TBCK: variants seen among roughly 807,000 people sequenced by gnomAD.
The protein encoded by TBCK is TBC1 domain containing kinase.
In TBCK, 99 loss-of-function variants were observed where a neutral mutation model predicts 113.4. The observed-to-expected ratio is 0.87, with a 90% CI of 0.74 to 1.03. TBCK has a LOEUF of 1.03. TBCK is among the 50% of genes least tolerant of loss of function. The pLI is 0.00. For synonymous variants in TBCK, 369 were observed against 370.8 expected (o/e 1.00, Z 0.05); for missense variants, 1,045 against 1,061.3 (o/e 0.98, Z 0.21).
chr4:106,308,893 ACAT>A lies in TBCK; in HGVS notation c.65_67del (p.Asp22del), dbSNP rs1767845544. On this transcript the variant is annotated inframe_deletion, in exon 2 of 26. Coordinates refer to ENST00000394708, the MANE Select transcript of TBCK (RefSeq NM_001163435.3). Reference sequence around the variant, plus strand: ...GAGAGGAAGTCCATTGCTTCCACAAACATCATGTGGCAGAGCCGAGGCAAAGAA... The same window carrying A: ...GAGAGGAAGTCCATTGCTTCCACAAACATGTGGCAGAGCCGAGGCAAAGAA... The A allele has an allele frequency of 3.7e-6, 6 of 1,614,160 alleles. No individual in the cohort carries two copies. Among genetic ancestry groups the A allele is most frequent in the Non-Finnish European group, 5.1e-6 (6 of 1,180,018 alleles).
intron 19 of TBCK, among the ~76,000 whole-genome samples, chr4:106,226,492 T>G (rs1425997936): frequency 1.3e-5 from 2 of 152,212 alleles, no homozygotes; most frequent in Non-Finnish European, 2.9e-5. Context: ...ATTTTCATCT[T>G]TCTAAAGTAT....
chr4:106,236,852 C>T, intron 12 of TBCK, 44 bp from the exon 13 acceptor site: 2 of 1,135,198 alleles, frequency 1.8e-6, no homozygotes, highest in East Asian at 2.7e-5. Context: ...ACATATTGGG[C>T]AGAAACCCTG....
Position 106,305,772 on chromosome 4 carries a change from C to T in TBCK, c.193+2996G>A, listed in dbSNP as rs140016329. 3.9e-3 allele frequency among the ~76,000 whole-genome samples: 596 copies of T among 152,234 alleles called. 2 individuals carry two copies. Among genetic ancestry groups the T allele is most frequent in the African/African-American group, 0.014 (570 of 41,536 alleles). On this transcript the variant is annotated intron_variant, in intron 2 of 25. Transcript: ENST00000394708. Reference sequence around the variant, plus strand: ...GATAAAACAGGATGCAGTGAAGAAGCTAGCTAAAACCCATCAAAACCAAAA... The same window carrying T: ...GATAAAACAGGATGCAGTGAAGAAGTTAGCTAAAACCCATCAAAACCAAAA...
chr4:106,129,686 C>T (rs924010501), intron 23 of TBCK, among the ~76,000 whole-genome samples: 1 of 152,018 alleles, frequency 6.6e-6, no homozygotes, highest in African/African-American at 2.4e-5. Context: ...AAATGTTTTA[C>T]GTCATTAATA....
intron 22 of TBCK, among the ~76,000 whole-genome samples, chr4:106,176,812 T>C (rs1454091213): frequency 1.3e-5 from 2 of 151,998 alleles, no homozygotes; most frequent in African/African-American, 4.8e-5. Context: ...TGTACTAACA[T>C]CCCACTTTCT....
At chr4:106,197,386 AGTGTGTGTGT>A (rs70941239) in intron 20 of TBCK, among the ~76,000 whole-genome samples, 3 of 119,036 alleles carry the variant, frequency 2.5e-5, no homozygotes, top group East Asian at 2.4e-4. Flanking sequence ...AACATATCTG[AGTGTGTGTGT>A]GTGTGTGTGT....
intron 23 of TBCK, 121 bp downstream of exon 23, chr4:106,170,974 G>C: frequency 2.9e-6 from 2 of 690,916 alleles, no homozygotes; most frequent in Non-Finnish European, 4.4e-6. Flanking sequence ...TCATGTGTTA[G>C]AAAATATCTA....
intron 25 of TBCK, among the ~76,000 whole-genome samples, chr4:106,054,158 A>G (rs565637645): frequency 9.9e-5 from 15 of 151,776 alleles, no homozygotes; most frequent in Admixed American, 7.9e-4. Flanking sequence ...AGTCTTTTCC[A>G]TAGTCTATGA....
At chr4:106,233,892 T>A (rs544584364) in intron 15 of TBCK, among the ~76,000 whole-genome samples, 42 of 152,182 alleles carry the variant, frequency 2.8e-4, no homozygotes, top group Non-Finnish European at 4.0e-4. Context: ...GAATTATACA[T>A]ACCAGAACAT....
intron 22 of TBCK, among the ~76,000 whole-genome samples, chr4:106,181,341 T>C (rs151128851): frequency 0.014 from 2,081 of 152,334 alleles, 52 homozygotes; most frequent in African/African-American, 0.047. Context: ...TGATGATAGA[T>C]TCTTTTGCTG....
At chr4:106,131,934 C>T (rs577131208) in intron 23 of TBCK, among the ~76,000 whole-genome samples, 1 of 152,294 alleles carries the variant, frequency 6.6e-6, no homozygotes, top group African/African-American at 2.4e-5. Context: ...GCATTTGCCC[C>T]TGCACTAGAG....
At chr4:106,277,807 C>A (rs951501911) in intron 3 of TBCK, among the ~76,000 whole-genome samples, 3 of 152,038 alleles carry the variant, frequency 2.0e-5, no homozygotes, top group African/African-American at 7.2e-5. Flanking sequence ...AAAAACACAT[C>A]AAATGTAAAC....
intron 24 of TBCK, among the ~76,000 whole-genome samples, chr4:106,112,096 A>C (rs768991159): frequency 6.6e-6 from 1 of 151,400 alleles, no homozygotes; most frequent in Non-Finnish European, 1.5e-5. Context: ...CCCCAGGGCT[A>C]CGCTTCCTAG....
chr4:106,295,843 C>CT (rs1275405448), intron 2 of TBCK, among the ~76,000 whole-genome samples: 1 of 152,012 alleles, frequency 6.6e-6, no homozygotes, highest in African/African-American at 2.4e-5. Flanking sequence ...CATGACATAC[C>CT]TTTTTTTCTT....
Position 106,137,038 on chromosome 4 carries a change from T to TA in TBCK, c.2236-20661dup, listed in dbSNP as rs1405127811. ...GATATTAACAGTGACAGATGGCAGA[T>TA]AAAGGGAAGATATGTTTAAATCTAG... On this transcript the variant is annotated intron_variant, in intron 23 of 25. Coordinates refer to ENST00000394708, the MANE Select transcript of TBCK (RefSeq NM_001163435.3). Among the ~76,000 whole-genome samples the TA allele has an allele frequency of 2.2e-4, 31 of 140,578 alleles. 9 individuals carry two copies. Among genetic ancestry groups the TA allele is most frequent in the Non-Finnish European group, 5.0e-4 (31 of 61,892 alleles). The allele number at this position is 140,578 out of a possible 152,430, so 92.2% of individuals were successfully genotyped here.
At chr4:106,277,546 G>A (rs770396788) in intron 3 of TBCK, among the ~76,000 whole-genome samples, 2 of 152,136 alleles carry the variant, frequency 1.3e-5, no homozygotes, top group Non-Finnish European at 2.9e-5. Context: ...CCACATGGAT[G>A]ACCCTCAGAA....
At chr4:106,067,460 CT>C (rs1269698284) in intron 25 of TBCK, among the ~76,000 whole-genome samples, 2 of 152,048 alleles carry the variant, frequency 1.3e-5, no homozygotes, top group Non-Finnish European at 1.5e-5. Flanking sequence ...TATGGGTTGT[CT>C]TTTCACTCTC....
chr4:106,218,998 A>G (rs925198451), intron 19 of TBCK, among the ~76,000 whole-genome samples: 7 of 152,130 alleles, frequency 4.6e-5, no homozygotes, highest in African/African-American at 1.7e-4. Flanking sequence ...AGACTGGATT[A>G]AGAAAATGTG....
chr4:106,290,423 A>G (rs1034709255), intron 3 of TBCK, among the ~76,000 whole-genome samples: 3 of 151,998 alleles, frequency 2.0e-5, no homozygotes, highest in East Asian at 1.9e-4. Flanking sequence ...TGATCCGCCC[A>G]CCTTGGCCTC....
Sources: allele counts gnomAD v4.1 joint callset (sites outside exome capture counted in the v4.1 genomes callset), GRCh38; gene constraint gnomAD v4.1.1; transcripts MANE v1.5; gene names NCBI Gene and HGNC (gene_info 2026-07-23, HGNC 2026-07-21).